The following DDX42 variants were observed in gnomAD, a reference collection of about 807,000 sequenced individuals.
DDX42 encodes the protein DEAD-box helicase 42.
In DDX42, 22 loss-of-function variants were observed where a neutral mutation model predicts 101.5. That is an observed-to-expected ratio of 0.22 (90% CI 0.15 to 0.31). DDX42 has a LOEUF of 0.31. DDX42 is among the 10% of genes least tolerant of loss of function. The pLI is 1.00. For synonymous variants in DDX42, 402 were observed against 401.2 expected, an observed-to-expected ratio of 1.00 and a Z score of -0.02; for missense variants, 849 against 1,199.9, an observed-to-expected ratio of 0.71 and a Z score of 4.32.
intron 6 of DDX42, 163 bp from the exon 7 acceptor site, chr17:63,804,908 A>G (rs1002173940): frequency 1.3e-6 from 1 of 799,226 alleles, no homozygotes; most frequent in Non-Finnish European, 1.9e-6. Context: ...CAAACTAGCT[A>G]TACTTTTTAG....
Position 63,792,431 on chromosome 17 carries a change from G to C in DDX42, c.241G>C (p.Glu81Gln). ...TCTCAGCTATTTTGAAGATGAGGAA[G>C]AAGATTCTAGCAACGTTGATTTACC... ...EENAYFEDEE[E>Q]DSSNVDLPYI... Residue 81 changes from glutamate to glutamine, a missense_variant, in exon 3 of 18, where the codon GAA (glutamate) becomes CAA (glutamine). This residue lies in a region of DDX42 where 92 missense variants were observed against 106.7 expected (regional missense o/e 0.86). Transcript: ENST00000389924. The C allele has an allele frequency of 6.2e-7, 1 of 1,612,106 alleles. No homozygotes were observed. The highest frequency in any genetic ancestry group is 8.5e-7 in the Non-Finnish European group (1 of 1,179,260).
At chr17:63,812,673 T>C (rs569434136) in intron 14 of DDX42, among the ~76,000 whole-genome samples, 3 of 152,246 alleles carry the variant, frequency 2.0e-5, no homozygotes, top group Non-Finnish European at 4.4e-5. Context: ...TCATGACACA[T>C]TTTAAATATA....
intron 2 of DDX42, among the ~76,000 whole-genome samples, chr17:63,789,570 TG>T (rs1278923297): frequency 0.031 from 1,564 of 51,058 alleles, 108 homozygotes; most frequent in African/African-American, 0.14. Context: ...TTTTTGTTTT[TG>T]TTTTTTTTTT....
At chr17:63,806,439 C>A (rs973783611) in intron 7 of DDX42, 96 bp from the exon 8 acceptor site, 9 of 1,347,986 alleles carry the variant, frequency 6.7e-6, no homozygotes, top group Non-Finnish European at 8.9e-6. Context: ...ACTTCATACT[C>A]CAGCTAAAAT....
chr17:63,817,623 T>C (rs1782722168), intron 17 of DDX42, 71 bp from the exon 18 acceptor site: 2 of 1,472,364 alleles, frequency 1.4e-6, no homozygotes, highest in South Asian at 1.3e-5. Context: ...ACCTCATCAT[T>C]TGCCAAGTTG....
At chr17:63,792,634 C>T in intron 3 of DDX42, 72 bp downstream of exon 3, 7 of 1,432,486 alleles carry the variant, frequency 4.9e-6, no homozygotes, top group South Asian at 3.2e-5. Context: ...TACTTCAAAT[C>T]TTATTCAAAA....
intron 11 of DDX42, 149 bp from the exon 12 acceptor site, chr17:63,810,364 T>TC (rs2039894991): frequency 4.4e-6 from 3 of 686,468 alleles, no homozygotes; most frequent in Middle Eastern, 3.2e-4. Flanking sequence ...GTGCTAGGAT[T>TC]ACAGGCATGA....
At chr17:63,791,676 G>A (rs1210660957) in intron 2 of DDX42, among the ~76,000 whole-genome samples, 1 of 152,088 alleles carries the variant, frequency 6.6e-6, no homozygotes, top group Non-Finnish European at 1.5e-5. Flanking sequence ...GAATTTCTGA[G>A]GTTTTTGGTC....
intron 4 of DDX42, among the ~76,000 whole-genome samples, chr17:63,798,720 CTT>C (rs1439723673): frequency 1.3e-5 from 2 of 152,222 alleles, no homozygotes; most frequent in African/African-American, 4.8e-5. Context: ...AGAGAAGTCT[CTT>C]TGCCTTGATG....
At chr17:63,775,362 A>C (rs1289317464) in intron 1 of DDX42, among the ~76,000 whole-genome samples, 1 of 152,092 alleles carries the variant, frequency 6.6e-6, no homozygotes, top group African/African-American at 2.4e-5. Flanking sequence ...TAGGTGTTAG[A>C]CCCCTGCCTT....
chr17:63,809,918 T>C (rs1266426773), intron 11 of DDX42, among the ~76,000 whole-genome samples: 3 of 152,226 alleles, frequency 2.0e-5, no homozygotes, highest in African/African-American at 4.8e-5. Context: ...TTTATCCATA[T>C]GCCTTTGATC....
In DDX42 at chr17:63,785,603, A is replaced by T. The variant is rs370686995; in HGVS notation, c.-16-1431A>T. Reference sequence around the variant, plus strand: ...ACAACATCACAAGACCCTGTTCCTTAAAAAAAAAAAAAAAAGAAAGAAAAG... The same window carrying T: ...ACAACATCACAAGACCCTGTTCCTTTAAAAAAAAAAAAAAAGAAAGAAAAG... On this transcript the variant is annotated intron_variant, in intron 1 of 17. Transcript: ENST00000389924. Among the ~76,000 whole-genome samples, 4 of 15,262 alleles carry T rather than the reference A, an allele frequency of 2.6e-4. No homozygotes were observed. In the African/African-American group the frequency reaches 3.7e-3, roughly 14 times the overall value. 10.0% of individuals were successfully genotyped at this position (15,262 alleles called of 152,430 possible).
intron 6 of DDX42, among the ~76,000 whole-genome samples, chr17:63,802,668 T>C (rs2039786283): frequency 6.6e-6 from 1 of 152,106 alleles, no homozygotes; most frequent in East Asian, 1.9e-4. Flanking sequence ...CCCAGCACTT[T>C]GGGAGGCCGA....
chr17:63,780,986 A>G (rs117168206), intron 1 of DDX42, among the ~76,000 whole-genome samples: 2,244 of 152,238 alleles, frequency 0.015, 23 homozygotes, highest in Non-Finnish European at 0.023. Context: ...CCCCTTTAGC[A>G]TATAAACATG....
rs2039863017 is a variant in DDX42, at chr17:63,807,998, T to C, written c.1023+98T>C. On this transcript the variant is annotated intron_variant, in intron 9 of 17. Coordinates refer to ENST00000389924, the MANE Select transcript of DDX42 (RefSeq NM_203499.3). ...ATGACCAGGAAACTTTTTTTTTTAATTGTGATAAGATACACACAAAATTGA... is the reference window on the plus strand; with the variant it reads ...ATGACCAGGAAACTTTTTTTTTTAACTGTGATAAGATACACACAAAATTGA... 2.6e-6 allele frequency: 3 copies of C among 1,157,952 alleles called. No individual in the cohort carries two copies. In the Admixed American group the frequency reaches 9.0e-5, roughly 35 times the overall value. 71.7% of individuals were successfully genotyped at this position (1,157,952 alleles called of 1,614,324 possible).
rs763081333 is a variant in DDX42 at position 63,812,021 on chromosome 17, C to G, written c.1488C>G (p.Thr496=). The G allele has an allele frequency of 4.7e-5, 76 of 1,614,076 alleles. No homozygotes were observed. Among genetic ancestry groups the G allele is most frequent in the South Asian group, 3.2e-4 (29 of 91,080 alleles). The change falls in exon 14 of 18, where the codon ACC becomes ACG. Residue 496 remains threonine, a synonymous_variant. Coordinates refer to ENST00000389924, the MANE Select transcript of DDX42 (RefSeq NM_203499.3). The part of the protein sequence containing the change: ...NWLTRRLVEF[T]SSGSVLLFVT... ...TTACCCGGCGTCTGGTAGAATTTAC[C>G]TCTTCAGGGAGTGTCCTCCTCTTTG...
At chr17:63,774,147 C>T (rs1226517923), upstream of DDX42, 1 of 262,046 alleles carries the variant, frequency 3.8e-6, no homozygotes, top group Non-Finnish European at 7.2e-6. Flanking sequence ...CCGCGCGTTC[C>T]TCACTGCGCA....
At chr17:63,781,279 C>T (rs1045408533) in intron 1 of DDX42, among the ~76,000 whole-genome samples, 1 of 152,026 alleles carries the variant, frequency 6.6e-6, no homozygotes, top group African/African-American at 2.4e-5. Context: ...GTGTAGTAGC[C>T]GGATCTTGGC....
chr17:63,814,672 T>G (rs1354666654), intron 15 of DDX42, among the ~76,000 whole-genome samples: 1 of 144,434 alleles, frequency 6.9e-6, no homozygotes, highest in African/African-American at 2.6e-5. Context: ...CCAGAGACAT[T>G]TGCTTTTTTT....
Sources: allele counts gnomAD v4.1 joint callset (sites outside exome capture counted in the v4.1 genomes callset), GRCh38; gene constraint gnomAD v4.1.1; regional missense constraint gnomAD v4.1.1; transcripts MANE v1.5; gene names NCBI Gene and HGNC (gene_info 2026-07-23, HGNC 2026-07-21).